The following KCNIP1 variants were observed in gnomAD, a reference collection of about 807,000 sequenced individuals.
KCNIP1 encodes the protein A-type potassium channel modulatory protein KCNIP1.
KCNIP1 carries 18 observed loss-of-function variants against 33.0 expected under a neutral mutation model. That is an observed-to-expected ratio of 0.55 (90% CI 0.38 to 0.81). The LOEUF is 0.81. Among genes scored for constraint, KCNIP1 ranks in the 30% least tolerant of loss-of-function variants. KCNIP1 has a pLI of 0.00. For synonymous variants in KCNIP1, 93 were observed against 98.3 expected, an observed-to-expected ratio of 0.95 and a Z score of 0.32; for missense variants, 238 against 271.6, an observed-to-expected ratio of 0.88 and a Z score of 0.87.
At chr5:170,646,421 G>A (rs751806420) in intron 1 of KCNIP1, among the ~76,000 whole-genome samples, 6 of 152,258 alleles carry the variant, frequency 3.9e-5, no homozygotes, top group South Asian at 4.1e-4. Flanking sequence ...TCCCAGTTAT[G>A]CAAGGCTGGT....
At chr5:170,403,510 C>G (rs1212873561) in intron 1 of KCNIP1, among the ~76,000 whole-genome samples, 2 of 152,200 alleles carry the variant, frequency 1.3e-5, no homozygotes, top group Non-Finnish European at 2.9e-5. Flanking sequence ...AGGTCCCCAT[C>G]AGCCATGGAA....
intron 5 of KCNIP1, among the ~76,000 whole-genome samples, chr5:170,723,514 G>A (rs1479577544): frequency 6.6e-6 from 1 of 152,154 alleles, no homozygotes; most frequent in Admixed American, 6.5e-5. Flanking sequence ...GCCAGGCACG[G>A]TGCCTGGAGG....
intron 1 of KCNIP1, among the ~76,000 whole-genome samples, chr5:170,575,223 G>A (rs1225259859): frequency 1.3e-5 from 2 of 152,282 alleles, no homozygotes; most frequent in Non-Finnish European, 2.9e-5. Flanking sequence ...ATTTGTTTCA[G>A]TTTTATAGCT....
intron 1 of KCNIP1, among the ~76,000 whole-genome samples, chr5:170,697,048 T>TCTC (rs1332850384): frequency 6.6e-6 from 1 of 150,780 alleles, no homozygotes; most frequent in African/African-American, 2.4e-5. Context: ...TCCTCCTCCA[T>TCTC]CTCCTCCTCC....
chr5:170,368,025 G>A (rs1008992170), intron 1 of KCNIP1, among the ~76,000 whole-genome samples: 1 of 152,080 alleles, frequency 6.6e-6, no homozygotes, highest in Admixed American at 6.5e-5. Context: ...TCTGTCTGAT[G>A]GAACAATATT....
chr5:170,672,915 G>C (rs1197017290), intron 1 of KCNIP1, among the ~76,000 whole-genome samples: 1 of 152,182 alleles, frequency 6.6e-6, no homozygotes, highest in African/African-American at 2.4e-5. Context: ...GCAATAATAT[G>C]GTAAAGGAGA....
chr5:170,546,655 A>C (rs1409073261), intron 1 of KCNIP1, among the ~76,000 whole-genome samples: 1 of 152,168 alleles, frequency 6.6e-6, no homozygotes, highest in Non-Finnish European at 1.5e-5. Context: ...TGATGTCTTC[A>C]AATTTTCTAT....
chr5:170,403,613 C>T (rs139003647), intron 1 of KCNIP1, among the ~76,000 whole-genome samples: 1 of 152,296 alleles, frequency 6.6e-6, no homozygotes, highest in African/African-American at 2.4e-5. Flanking sequence ...AGGACAGTGG[C>T]TTTTGAGTGT....
chr5:170,623,690 G>A (rs4867619), intron 1 of KCNIP1, among the ~76,000 whole-genome samples: 59,602 of 151,964 alleles, frequency 0.39, 12,090 homozygotes, highest in East Asian at 0.61. Flanking sequence ...ATGGCGGGAG[G>A]GGCTGAACTC....
At chr5:170,656,154 C>T (rs1317271686) in intron 1 of KCNIP1, among the ~76,000 whole-genome samples, 2 of 152,158 alleles carry the variant, frequency 1.3e-5, no homozygotes, top group Non-Finnish European at 2.9e-5. Flanking sequence ...CACTGGGAAC[C>T]CTGTTCTAAT....
intron 1 of KCNIP1, among the ~76,000 whole-genome samples, chr5:170,703,827 G>C (rs1763175296): frequency 1.5e-5 from 2 of 137,522 alleles, no homozygotes; most frequent in African/African-American, 5.3e-5. Context: ...CAAATAATGA[G>C]CACTTACTAG....
intron 1 of KCNIP1, among the ~76,000 whole-genome samples, chr5:170,426,723 A>G (rs1007413112): frequency 2.6e-5 from 4 of 152,168 alleles, no homozygotes; most frequent in Non-Finnish European, 4.4e-5. Flanking sequence ...AACAGTTCAC[A>G]CTCCACCCAG....
At chr5:170,464,058 G>T (rs1345593925) in intron 1 of KCNIP1, among the ~76,000 whole-genome samples, 2 of 151,864 alleles carry the variant, frequency 1.3e-5, no homozygotes, top group Admixed American at 6.6e-5. Flanking sequence ...ATAGCATCAA[G>T]AAAATAAAAT....
intron 1 of KCNIP1, among the ~76,000 whole-genome samples, chr5:170,644,086 G>A (rs1480018066): frequency 2.0e-5 from 3 of 152,244 alleles, no homozygotes; most frequent in African/African-American, 4.8e-5. Flanking sequence ...CCCTCAGTAA[G>A]TCTGCCAGCA....
chr5:170,454,213 T>C (rs1161747661), intron 1 of KCNIP1, among the ~76,000 whole-genome samples: 2 of 152,234 alleles, frequency 1.3e-5, no homozygotes, highest in East Asian at 3.8e-4. Context: ...GTCTTTTCTT[T>C]CTCAACACAC....
chr5:170,430,152 A>C (rs374522013), intron 1 of KCNIP1, among the ~76,000 whole-genome samples: 4 of 152,232 alleles, frequency 2.6e-5, no homozygotes, highest in East Asian at 1.9e-4. Context: ...GACAGGAATC[A>C]TCAGTTAAGC....
chr5:170,592,289 G>A (rs76581088), intron 1 of KCNIP1, among the ~76,000 whole-genome samples: 1,631 of 152,206 alleles, frequency 0.011, 28 homozygotes, highest in African/African-American at 0.037. Context: ...AGAAATGTCT[G>A]TTAACTCTAC....
intron 1 of KCNIP1, among the ~76,000 whole-genome samples, chr5:170,365,220 G>T (rs1252873110): frequency 6.6e-6 from 1 of 152,130 alleles, no homozygotes; most frequent in Non-Finnish European, 1.5e-5. Context: ...AGGCCACCCA[G>T]CAAGCCAGAC....
chr5:170,679,048 G>A (rs1407051159), intron 1 of KCNIP1: 1 of 152,020 alleles, frequency 6.6e-6, no homozygotes, highest in Non-Finnish European at 1.5e-5. Context: ...CAGAGGAGAG[G>A]AAACACAGTA....
Sources: allele counts gnomAD v4.1 joint callset (sites outside exome capture counted in the v4.1 genomes callset), GRCh38; gene constraint gnomAD v4.1.1; transcripts MANE v1.5; gene names NCBI Gene and HGNC (gene_info 2026-07-23, HGNC 2026-07-21).